FGFR2: variants seen among roughly 807,000 people sequenced by gnomAD.
FGFR2 encodes fibroblast growth factor receptor 2, also known as BEK fibroblast growth factor receptor.
FGFR2 carries 19 observed loss-of-function variants against 95.9 expected under a neutral mutation model. The ratio of observed to expected loss-of-function variants is 0.20; its 90% confidence interval spans 0.14 to 0.29. The LOEUF (loss-of-function observed/expected upper bound fraction) is 0.29, where lower values mean the gene tolerates loss of function less well. FGFR2 is among the 10% of genes least tolerant of loss of function. The probability of loss-of-function intolerance (pLI) is 1.00; values close to 1 mark genes in which losing one functional copy is unlikely to be tolerated. For missense variants in FGFR2, 707 were observed against 1,056.9 expected (o/e 0.67, Z 4.59); for synonymous variants, 392 against 393.3 (o/e 1.00, Z 0.04).
chr10:121,505,717 T>C (rs1473330173), intron 9 of FGFR2, among the ~76,000 whole-genome samples: 1 of 152,202 alleles, frequency 6.6e-6, no homozygotes, highest in Admixed American at 6.5e-5. Context: ...AACCTCACTG[T>C]AGTGAGCTAA....
At chr10:121,555,634 G>C (rs1856029104) in intron 4 of FGFR2, among the ~76,000 whole-genome samples, 1 of 152,120 alleles carries the variant, frequency 6.6e-6, no homozygotes, top group Non-Finnish European at 1.5e-5. Flanking sequence ...GGTACCACAA[G>C]AATGATGTTC....
intron 9 of FGFR2, among the ~76,000 whole-genome samples, chr10:121,510,360 G>A (rs141054469): frequency 1.3e-5 from 2 of 152,320 alleles, no homozygotes; most frequent in South Asian, 2.1e-4. Flanking sequence ...TGGAGGCTGA[G>A]AGAGGAGAAA....
intron 2 of FGFR2, among the ~76,000 whole-genome samples, chr10:121,578,406 G>A (rs1025040446): frequency 6.6e-5 from 10 of 152,094 alleles, no homozygotes; most frequent in Non-Finnish European, 1.2e-4. Flanking sequence ...TGAAAATCCC[G>A]ATTCCCATTA....
At chr10:121,498,365 G>T in intron 12 of FGFR2, 130 bp downstream of exon 12, 1 of 718,100 alleles carries the variant, frequency 1.4e-6, no homozygotes, top group Non-Finnish European at 2.5e-6. Flanking sequence ...TTCCAATGGG[G>T]ATTTTAAAAA....
chr10:121,505,389 G>A (rs1230696688), intron 9 of FGFR2, among the ~76,000 whole-genome samples: 1 of 152,178 alleles, frequency 6.6e-6, no homozygotes, highest in Non-Finnish European at 1.5e-5. Flanking sequence ...CACTTCCTGA[G>A]CCTTCCATTC....
chr10:121,497,093 T>C (rs1354834970), intron 12 of FGFR2, among the ~76,000 whole-genome samples: 1 of 135,552 alleles, frequency 7.4e-6, no homozygotes, highest in Non-Finnish European at 1.5e-5. Context: ...ATCACACCAC[T>C]GCACTGCAGC....
chr10:121,543,691 C>T (rs557389610), intron 5 of FGFR2, among the ~76,000 whole-genome samples: 2 of 152,310 alleles, frequency 1.3e-5, no homozygotes, highest in African/African-American at 4.8e-5. Context: ...TGGAGGCAAA[C>T]ACCTGTTAAT....
intron 6 of FGFR2, among the ~76,000 whole-genome samples, chr10:121,525,310 C>T (rs1851206577): frequency 6.6e-6 from 1 of 152,268 alleles, no homozygotes. Context: ...GAAAGCAGTC[C>T]AAAGGGTGCG....
intron 9 of FGFR2, among the ~76,000 whole-genome samples, chr10:121,505,533 C>CA (rs1252777664): frequency 6.6e-6 from 1 of 152,196 alleles, no homozygotes; most frequent in African/African-American, 2.4e-5. Context: ...GAGATCCTCA[C>CA]ACCCAAGTGT....
intron 2 of FGFR2, among the ~76,000 whole-genome samples, chr10:121,567,874 T>C (rs1414830540): frequency 2.0e-5 from 3 of 152,254 alleles, no homozygotes; most frequent in Non-Finnish European, 2.9e-5. Context: ...ATTTGCAGTC[T>C]TGCCTTTGCA....
intron 4 of FGFR2, among the ~76,000 whole-genome samples, chr10:121,555,428 T>A (rs945959111): frequency 6.6e-6 from 1 of 151,978 alleles, no homozygotes; most frequent in African/African-American, 2.4e-5. Context: ...TAAGGACACA[T>A]GAGTTTCCCT....
At chr10:121,545,826 T>C (rs1284591490) in intron 5 of FGFR2, among the ~76,000 whole-genome samples, 1 of 152,184 alleles carries the variant, frequency 6.6e-6, no homozygotes, top group Non-Finnish European at 1.5e-5. Flanking sequence ...TTAAAAATCA[T>C]CTTTTCTTAG....
chr10:121,553,160 T>C (rs1855634298), intron 4 of FGFR2, among the ~76,000 whole-genome samples: 1 of 152,186 alleles, frequency 6.6e-6, no homozygotes, highest in Non-Finnish European at 1.5e-5. Context: ...TCCCTGTGCT[T>C]ATCTAAGTGT....
intron 9 of FGFR2, among the ~76,000 whole-genome samples, chr10:121,504,161 T>G (rs962689594): frequency 1.3e-5 from 2 of 152,190 alleles, no homozygotes; most frequent in Non-Finnish European, 2.9e-5. Context: ...TATGTTCAGG[T>G]TTTTCTATGA....
chr10:121,513,897 C>T (rs1849361757), intron 9 of FGFR2, among the ~76,000 whole-genome samples: 1 of 152,118 alleles, frequency 6.6e-6, no homozygotes, highest in Non-Finnish European at 1.5e-5. Context: ...TTGTGAACAA[C>T]CAGACCCATT....
At chr10:121,580,771 G>A (rs1447120472) in intron 2 of FGFR2, among the ~76,000 whole-genome samples, 1 of 152,208 alleles carries the variant, frequency 6.6e-6, no homozygotes, top group Non-Finnish European at 1.5e-5. Flanking sequence ...CGCCATCACA[G>A]TTAACCTTTC....
At chr10:121,525,637 GA>G (rs1851262423) in intron 6 of FGFR2, among the ~76,000 whole-genome samples, 1 of 152,046 alleles carries the variant, frequency 6.6e-6, no homozygotes, top group Non-Finnish European at 1.5e-5. Flanking sequence ...GAGAGAGAGA[GA>G]GAGAGAGAGG....
chr10:121,526,699 T>TG (rs200678566), intron 6 of FGFR2: 1 of 398,406 alleles, frequency 2.5e-6, no homozygotes, highest in African/African-American at 2.1e-5. Flanking sequence ...AATAGATGAG[T>TG]GGGCTGGGAT....
chr10:121,582,644 G>A (rs182136729), intron 2 of FGFR2, among the ~76,000 whole-genome samples: 10 of 152,230 alleles, frequency 6.6e-5, no homozygotes, highest in African/African-American at 2.4e-4. Flanking sequence ...TTAGCCGGGC[G>A]TGGTGGTGCA....
Sources: gnomAD v4.1 joint callset for allele counts (sites outside exome capture counted in the v4.1 genomes callset) on GRCh38, gnomAD v4.1.1 for gene constraint, MANE v1.5 for transcripts, NCBI Gene and HGNC (gene_info 2026-07-23, HGNC 2026-07-21) for gene names.